NR3C1: variants seen among roughly 807,000 people sequenced by gnomAD.
NR3C1 encodes the protein glucocorticoid receptor.
A neutral mutation model predicts 74.0 loss-of-function variants in NR3C1; 14 were observed. The ratio of observed to expected loss-of-function variants is 0.19; its 90% CI spans 0.12 to 0.30. The LOEUF is 0.30. NR3C1 is among the 10% of genes least tolerant of loss of function. The pLI, the probability that NR3C1 is intolerant of heterozygous loss-of-function variation, is 1.00. For synonymous variants in NR3C1, 308 were observed against 332.5 expected, an observed-to-expected ratio of 0.93 and a Z score of 0.80; for missense variants, 695 against 909.8, an observed-to-expected ratio of 0.76 and a Z score of 3.04.
At chr5:143,397,043 A>G (rs1172940062) in intron 2 of NR3C1, among the ~76,000 whole-genome samples, 1 of 151,840 alleles carries the variant, frequency 6.6e-6, no homozygotes, top group Non-Finnish European at 1.5e-5. Flanking sequence ...TTTTACTATA[A>G]ATGAACTTAG....
upstream of NR3C1, among the ~76,000 whole-genome samples, chr5:143,404,846 C>G (rs1403681152): frequency 2.0e-5 from 3 of 152,200 alleles, no homozygotes; most frequent in East Asian, 5.8e-4. Flanking sequence ...GGCCCCACCC[C>G]CGAATCTTGA....
intron 3 of NR3C1, 124 bp from the exon 4 acceptor site, chr5:143,310,337 A>G: frequency 1.4e-6 from 1 of 732,222 alleles, no homozygotes; most frequent in East Asian, 2.7e-5. Flanking sequence ...CCTTGAGGGA[A>G]TGTTCTTGCC....
chr5:143,332,587 G>C (rs1180649179), intron 2 of NR3C1: 13 of 1,031,238 alleles, frequency 1.3e-5, no homozygotes, highest in Admixed American at 9.0e-5. Context: ...GAATTGAGTA[G>C]CTGCACCACT....
At chr5:143,399,198 CA>C (rs1472860577) in intron 2 of NR3C1, among the ~76,000 whole-genome samples, 1 of 152,176 alleles carries the variant, frequency 6.6e-6, no homozygotes, top group Non-Finnish European at 1.5e-5. Context: ...TCTTTAATCT[CA>C]AGCTAACACT....
At chr5:143,363,256 T>A (rs1832604665) in intron 2 of NR3C1, among the ~76,000 whole-genome samples, 1 of 152,156 alleles carries the variant, frequency 6.6e-6, no homozygotes, top group Non-Finnish European at 1.5e-5. Flanking sequence ...GAATTAGCCA[T>A]GAAAAGTCAC....
chr5:143,303,210 T>TA (rs1269552389), intron 4 of NR3C1, among the ~76,000 whole-genome samples: 2 of 108,046 alleles, frequency 1.9e-5, no homozygotes, highest in East Asian at 3.1e-4. Flanking sequence ...ACAAAGGCTT[T>TA]AAAAAATCTA....
In NR3C1 at chr5:143,317,724, G is replaced by T. The variant is rs151156885; in HGVS notation, c.1185-3556C>A. ...TGGGTGAAAGTCATGGATGGATTAT[G>T]AGTTAATCACACACCTAGAGAAGCA... is the stretch of plus-strand genomic sequence containing the variant. On this transcript the variant is annotated intron_variant, in intron 2 of 8. Coordinates refer to ENST00000394464, the MANE Select transcript of NR3C1 (RefSeq NM_000176.3). Among the ~76,000 whole-genome samples the T allele has an allele frequency of 4.9e-3, 746 of 152,252 alleles. 4 individuals are homozygous for T. The highest frequency in any genetic ancestry group is 8.2e-3 in the Non-Finnish European group (559 of 68,006).
At chr5:143,357,770 A>T (rs1445405588) in intron 2 of NR3C1, among the ~76,000 whole-genome samples, 1 of 152,242 alleles carries the variant, frequency 6.6e-6, no homozygotes, top group Admixed American at 6.5e-5. Context: ...TGAAAAATAC[A>T]TATCTTCATA....
intron 1 of NR3C1, among the ~76,000 whole-genome samples, chr5:143,428,703 T>C (rs1751661611): frequency 6.6e-6 from 1 of 152,226 alleles, no homozygotes; most frequent in Non-Finnish European, 1.5e-5. Flanking sequence ...TATGGTAACA[T>C]TTAACTGTAC....
At chr5:143,394,250 A>G (rs1457834066) in intron 2 of NR3C1, among the ~76,000 whole-genome samples, 1 of 152,094 alleles carries the variant, frequency 6.6e-6, no homozygotes, top group Admixed American at 6.5e-5. Flanking sequence ...TAATATTTAA[A>G]TTGGACAAGT....
At chr5:143,293,381 G>C (rs775025685) in intron 7 of NR3C1, among the ~76,000 whole-genome samples, 1 of 152,024 alleles carries the variant, frequency 6.6e-6, no homozygotes, top group Non-Finnish European at 1.5e-5. Flanking sequence ...CTAGGGTTGG[G>C]GAGGGGATGA....
chr5:143,282,486 G>T, intron 8 of NR3C1, 82 bp downstream of exon 8: 1 of 1,530,124 alleles, frequency 6.5e-7, no homozygotes, highest in Non-Finnish European at 9.0e-7. Flanking sequence ...TGGGGGCGCT[G>T]CTGGTATATA....
chr5:143,423,698 T>A (rs1163363943), intron 1 of NR3C1, among the ~76,000 whole-genome samples: 1 of 152,108 alleles, frequency 6.6e-6, no homozygotes, highest in African/African-American at 2.4e-5. Flanking sequence ...AGCCAAGGTA[T>A]GGAATCAACC....
At chr5:143,325,710 T>C (rs1824451162) in intron 2 of NR3C1, among the ~76,000 whole-genome samples, 1 of 152,146 alleles carries the variant, frequency 6.6e-6, no homozygotes, top group Non-Finnish European at 1.5e-5. Flanking sequence ...ACAATATACA[T>C]ATAGGATTTG....
At chr5:143,332,306 TTGAG>T (rs2151704481) in intron 2 of NR3C1, among the ~76,000 whole-genome samples, 1 of 151,532 alleles carries the variant, frequency 6.6e-6, no homozygotes, top group Admixed American at 6.6e-5. Context: ...TTCGGGCACT[TTGAG>T]TGTTTTTTTT....
chr5:143,357,276 G>A (rs1831313577), intron 2 of NR3C1, among the ~76,000 whole-genome samples: 1 of 152,050 alleles, frequency 6.6e-6, no homozygotes, highest in Non-Finnish European at 1.5e-5. Context: ...TAATTACAGG[G>A]AAAGTTACAT....
At chr5:143,303,835 A>C (rs1208905524) in intron 4 of NR3C1, among the ~76,000 whole-genome samples, 3 of 152,152 alleles carry the variant, frequency 2.0e-5, no homozygotes, top group African/African-American at 7.2e-5. Flanking sequence ...TGATCATCTC[A>C]ATAGATGCAG....
chr5:143,329,157 A>G (rs1825321412), intron 2 of NR3C1, among the ~76,000 whole-genome samples: 1 of 152,196 alleles, frequency 6.6e-6, no homozygotes, highest in Non-Finnish European at 1.5e-5. Context: ...GGCCTCAAGA[A>G]ACATACAATC....
At chr5:143,306,449 A>G (rs1433938583) in intron 4 of NR3C1, among the ~76,000 whole-genome samples, 1 of 152,266 alleles carries the variant, frequency 6.6e-6, no homozygotes. Flanking sequence ...TACCAGGCCA[A>G]ATAAAGATTT....
Sources: gnomAD v4.1 joint callset for allele counts (sites outside exome capture counted in the v4.1 genomes callset) on GRCh38, gnomAD v4.1.1 for gene constraint, MANE v1.5 for transcripts, NCBI Gene and HGNC (gene_info 2026-07-23, HGNC 2026-07-21) for gene names.